Variants in CRAMP1 observed in about 807,000 individuals in gnomAD.
CRAMP1 encodes the protein cramped chromatin regulator 1, also known as protein cramped-like.
CRAMP1 carries 50 observed loss-of-function variants against 115.4 expected under a neutral mutation model. The observed-to-expected ratio is 0.43, with a 90% CI of 0.35 to 0.55. The LOEUF (loss-of-function observed/expected upper bound fraction) is 0.55, where lower values mean the gene tolerates loss of function less well. CRAMP1 is among the 20% of genes least tolerant of loss of function. CRAMP1 has a pLI of 0.01. For missense variants in CRAMP1, 1,679 were observed against 1,721.7 expected, an observed-to-expected ratio of 0.98 and a Z score of 0.44; for synonymous variants, 866 against 745.4, an observed-to-expected ratio of 1.16 and a Z score of -2.64.
In CRAMP1 at chr16:1,614,596, C is replaced by A; in HGVS notation, c.-1-43C>A. The A allele has an allele frequency of 8.5e-7, 1 of 1,177,060 alleles. No individual in the cohort carries two copies. Among genetic ancestry groups the A allele is most frequent in the Non-Finnish European group, 1.1e-6 (1 of 938,876 alleles). The allele number at this position is 1,177,060 out of a possible 1,614,324, so 72.9% of individuals were successfully genotyped here. A position where few individuals can be genotyped will look rare whatever the true frequency, so the allele number is the denominator to read the frequency against. ...GCGTCGGGGCCGCTAAACTTCCCGG[C>A]CTGCGCCCGCCTCACCGGCCGCCTC... On this transcript the variant is annotated intron_variant, in intron 1 of 20. Coordinates refer to ENST00000397412, the MANE Select transcript of CRAMP1 (RefSeq NM_020825.4). The surrounding 1 kb of genome is among the most constrained non-coding windows in gnomAD (Gnocchi z 4.4).
At chr16:1,628,942 GCGC>G (rs779746415) in intron 3 of CRAMP1, among the ~76,000 whole-genome samples, 5 of 152,190 alleles carry the variant, frequency 3.3e-5, no homozygotes, top group Non-Finnish European at 7.3e-5. Context: ...GCTCAGATTC[GCGC>G]CCGTCCAGTT....
Position 1,641,525 on chromosome 16 carries a change from G to A in CRAMP1, c.827+338G>A, listed in dbSNP as rs573691607. Among the ~76,000 whole-genome samples, 7 of 152,266 alleles carry A rather than the reference G, an allele frequency of 4.6e-5. No homozygotes were observed. In the South Asian group the frequency reaches 1.5e-3, roughly 32 times the overall value. On this transcript the variant is annotated intron_variant, in intron 6 of 20. Transcript: ENST00000397412. The stretch of plus-strand genomic sequence containing the variant: ...TGTGCCTGCTGTGGGGCTGGTCCCC[G>A]GCTTCTAGGGCCTCTCCTTTCCATT...
At chr16:1,643,723 G>T (rs1040839925) in intron 6 of CRAMP1, among the ~76,000 whole-genome samples, 1 of 152,210 alleles carries the variant, frequency 6.6e-6, no homozygotes, top group Non-Finnish European at 1.5e-5. Context: ...TATGCAGCAC[G>T]CTTGGTGCCA....
chr16:1,654,647 C>T (rs922858148), intron 8 of CRAMP1, among the ~76,000 whole-genome samples: 5 of 152,202 alleles, frequency 3.3e-5, no homozygotes, highest in Non-Finnish European at 1.5e-5. Context: ...ACTCACTCCT[C>T]TATTCTCCAT....
intron 7 of CRAMP1, 143 bp from the exon 8 acceptor site, chr16:1,652,890 C>T (rs754981481): frequency 3.0e-5 from 30 of 1,007,796 alleles, no homozygotes; most frequent in African/African-American, 4.9e-5. Context: ...GTTTCTTCTT[C>T]GCTGGGGTTT....
intron 5 of CRAMP1, among the ~76,000 whole-genome samples, chr16:1,639,982 C>T (rs952073874): frequency 2.6e-5 from 4 of 152,192 alleles, no homozygotes; most frequent in African/African-American, 4.8e-5. Context: ...AGGCTTCCAA[C>T]CCTTCATCCG....
chr16:1,627,912 G>A (rs1456326980), intron 3 of CRAMP1, among the ~76,000 whole-genome samples: 1 of 152,134 alleles, frequency 6.6e-6, no homozygotes, highest in Non-Finnish European at 1.5e-5. Context: ...AATTACTCCT[G>A]TGGTGTGGCC....
At chr16:1,646,023 G>A (rs1258252087) in intron 6 of CRAMP1, among the ~76,000 whole-genome samples, 7 of 152,164 alleles carry the variant, frequency 4.6e-5, no homozygotes, top group African/African-American at 1.7e-4. Context: ...AAAGGGAATC[G>A]TGGTGTGCAG....
chr16:1,642,745 A>G (rs1241557215), intron 6 of CRAMP1, among the ~76,000 whole-genome samples: 1 of 152,250 alleles, frequency 6.6e-6, no homozygotes, highest in Non-Finnish European at 1.5e-5. Context: ...ACACTGCCGC[A>G]GGATCCATAC....
chr16:1,673,618 T>C (rs1395693159), intron 20 of CRAMP1, among the ~76,000 whole-genome samples: 1 of 152,212 alleles, frequency 6.6e-6, no homozygotes, highest in Non-Finnish European at 1.5e-5. Flanking sequence ...ATAGGTCTCA[T>C]GGCGGGCGGG....
At chr16:1,662,880 C>T (rs1254703238) in intron 13 of CRAMP1, 45 bp downstream of exon 13, 19 of 1,483,072 alleles carry the variant, frequency 1.3e-5, no homozygotes, top group Admixed American at 3.5e-5. Context: ...GTGGCTGGGC[C>T]AACCAGGACA....
chr16:1,623,905 A>G (rs1303803777), intron 2 of CRAMP1, among the ~76,000 whole-genome samples: 1 of 152,220 alleles, frequency 6.6e-6, no homozygotes, highest in Non-Finnish European at 1.5e-5. Flanking sequence ...CACAGAGCAT[A>G]TGCATACCTG....
At chr16:1,658,093 G>A (rs1171223156) in intron 10 of CRAMP1, among the ~76,000 whole-genome samples, 1 of 152,108 alleles carries the variant, frequency 6.6e-6, no homozygotes, top group Non-Finnish European at 1.5e-5. Flanking sequence ...CTTTTTTTCC[G>A]CTCCCACCCC....
intron 4 of CRAMP1, among the ~76,000 whole-genome samples, chr16:1,632,904 C>T (rs1046526896): frequency 3.3e-5 from 5 of 152,222 alleles, no homozygotes; most frequent in African/African-American, 1.2e-4. Flanking sequence ...GTGGCTTCTC[C>T]GGATGATGCT....
At position 1,640,851 on chromosome 16, in the gene CRAMP1, T is replaced by C. The variant is rs1020609756; in HGVS notation, c.779-288T>C. On this transcript the variant is annotated intron_variant, in intron 5 of 20. Coordinates refer to ENST00000397412, the MANE Select transcript of CRAMP1 (RefSeq NM_020825.4). Reference sequence around the variant, plus strand: ...CGCTGGGGGACCTAGGAGGGAGCTCTTGGGAGGACAGATCAACTGGTCAGA... The same window carrying C: ...CGCTGGGGGACCTAGGAGGGAGCTCCTGGGAGGACAGATCAACTGGTCAGA... 2.6e-5 allele frequency among the ~76,000 whole-genome samples: 4 copies of C among 152,162 alleles called. No homozygotes were observed. In the East Asian group the frequency reaches 7.7e-4, roughly 29 times the overall value.
rs897253722 is a variant in CRAMP1, at chr16:1,668,911, C to T, written c.3335-90C>T. The T allele has an allele frequency of 6.2e-6, 8 of 1,291,214 alleles. No homozygotes were observed. In the African/African-American group the frequency reaches 1.0e-4, roughly 17 times the overall value. 80.0% of individuals were successfully genotyped at this position (1,291,214 alleles called of 1,614,324 possible). On this transcript the variant is annotated intron_variant, in intron 18 of 20. Transcript: ENST00000397412. ...TTCAGCAGGGTAGAGCCCTGCGGCC[C>T]TGCTGCCTTCTCCGTGGTGGGCTGG...
Position 1,614,475 on chromosome 16 carries a change from C to T in CRAMP1, c.-1-164C>T, listed in dbSNP as rs1596479416. 7.5e-6 allele frequency among the ~76,000 whole-genome samples: 1 copy of T among 133,872 alleles called. No homozygotes were observed. Among genetic ancestry groups the T allele is most frequent in the African/African-American group, 2.7e-5 (1 of 36,792 alleles). The allele number at this position is 133,872 out of a possible 152,430, so 87.8% of individuals were successfully genotyped here. On this transcript the variant is annotated intron_variant, in intron 1 of 20. Transcript: ENST00000397412. The surrounding 1 kb of genome is among the most constrained non-coding windows in gnomAD (Gnocchi z 4.4). ...AGGGCCGGGGGCGGCGGCGTGGGGG[C>T]GGCAGGGGCCGCGGCGGGCTCGGGC...
At chr16:1,641,338 T>C (rs2036630334) in intron 6 of CRAMP1, among the ~76,000 whole-genome samples, 151 bp downstream of exon 6, 1 of 152,176 alleles carries the variant, frequency 6.6e-6, no homozygotes, top group African/African-American at 2.4e-5. Flanking sequence ...CAAAAGGTGC[T>C]TGGTCCAGGG....
intron 2 of CRAMP1, among the ~76,000 whole-genome samples, chr16:1,615,987 ATGTGTTC>A (rs1037344601): frequency 6.6e-5 from 10 of 152,366 alleles, no homozygotes; most frequent in Admixed American, 1.3e-4. Context: ...TCTGTGCCAC[ATGTGTTC>A]CATTAAGCCC....
Sources: allele counts gnomAD v4.1 joint callset (sites outside exome capture counted in the v4.1 genomes callset), GRCh38; gene constraint gnomAD v4.1.1; non-coding constraint Gnocchi (gnomAD v3.1); transcripts MANE v1.5; gene names NCBI Gene and HGNC (gene_info 2026-07-23, HGNC 2026-07-21).